RBFOX1: variants seen among roughly 807,000 people sequenced by gnomAD.
The protein encoded by RBFOX1 is RNA binding fox-1 homolog 1.
A neutral mutation model predicts 57.7 loss-of-function variants in RBFOX1; 8 were observed. That is an observed-to-expected ratio of 0.14 (90% CI 0.08 to 0.25). The LOEUF (loss-of-function observed/expected upper bound fraction) is 0.25, where lower values mean the gene tolerates loss of function less well. Ranked by LOEUF, RBFOX1 falls within the 10% of genes least tolerant of loss-of-function variation. RBFOX1 has a pLI of 1.00. For synonymous variants in RBFOX1, 326 were observed against 222.4 expected (o/e 1.47, Z -4.15); for missense variants, 611 against 548.5 (o/e 1.11, Z -1.14).
intron 4 of RBFOX1, among the ~76,000 whole-genome samples, chr16:7,112,946 C>T (rs908278471): frequency 3.9e-5 from 6 of 152,134 alleles, no homozygotes; most frequent in Non-Finnish European, 7.3e-5. Flanking sequence ...AGCATATCTG[C>T]AAGTGCTGGC....
At chr16:7,142,900 C>T (rs1373809050) in intron 4 of RBFOX1, among the ~76,000 whole-genome samples, 2 of 137,160 alleles carry the variant, frequency 1.5e-5, no homozygotes, top group South Asian at 2.7e-4. Context: ...TCTGCAGACA[C>T]ATCTGCAGAG....
At chr16:7,254,059 T>G (rs1455537147) in intron 4 of RBFOX1, among the ~76,000 whole-genome samples, 2 of 152,208 alleles carry the variant, frequency 1.3e-5, no homozygotes, top group Non-Finnish European at 2.9e-5. Context: ...TTTACTTCAC[T>G]TTGGGCATTG....
intron 1 of RBFOX1, among the ~76,000 whole-genome samples, chr16:6,186,263 A>G (rs1310195058): frequency 6.6e-6 from 1 of 152,158 alleles, no homozygotes; most frequent in East Asian, 1.9e-4. Context: ...GAAATATACA[A>G]CTGATGACTC....
intron 4 of RBFOX1, among the ~76,000 whole-genome samples, chr16:7,227,745 C>G (rs1019546682): frequency 1.3e-5 from 2 of 152,184 alleles, no homozygotes; most frequent in Non-Finnish European, 2.9e-5. Context: ...CAGCACCTGG[C>G]CTAGGCACCC....
At chr16:6,889,663 C>A (rs1007995588) in intron 3 of RBFOX1, among the ~76,000 whole-genome samples, 2 of 152,148 alleles carry the variant, frequency 1.3e-5, no homozygotes, top group African/African-American at 4.8e-5. Flanking sequence ...CACCAGCTTC[C>A]ACCATGTAGT....
chr16:6,795,282 G>A (rs542148541), intron 3 of RBFOX1, among the ~76,000 whole-genome samples: 2 of 151,912 alleles, frequency 1.3e-5, no homozygotes, highest in East Asian at 3.9e-4. Context: ...TGATAGAAGG[G>A]GCCTTGAGAG....
At chr16:7,664,623 C>T in intron 12 of RBFOX1, 1 of 407,902 alleles carries the variant, frequency 2.5e-6, no homozygotes, top group Non-Finnish European at 4.4e-6. Flanking sequence ...CCACTTAAAT[C>T]TCAGTCCTCT....
In RBFOX1 at chr16:5,377,983, G is replaced by T. The variant is rs760725317; in HGVS notation, c.220-89233G>T. 3.3e-5 allele frequency among the ~76,000 whole-genome samples: 5 copies of T among 151,270 alleles called. 1 individual carries two copies. Among genetic ancestry groups the T allele is most frequent in the African/African-American group, 1.2e-4 (5 of 40,684 alleles). ...TTTTCTTTCTTTTATTTTTTTAAAG[G>T]CTCCTTTTAAAGCACAATGACCTTT... On this transcript the variant is annotated intron_variant, in intron 1 of 2. Coordinates refer to the RBFOX1 transcript ENST00000585867.
In RBFOX1 at chr16:5,283,456, C is replaced by A. The variant is rs78053963; in HGVS notation, c.219+43351C>A. Among the ~76,000 whole-genome samples, 1,929 of 152,194 alleles carry A rather than the reference C, an allele frequency of 0.013. 73 individuals carry two copies. The East Asian group carries it at 0.16, about 13-fold the overall frequency. On this transcript the variant is annotated intron_variant, in intron 1 of 2. Coordinates refer to the RBFOX1 transcript ENST00000585867. Reference sequence around the variant, plus strand: ...ACTCAATGCCAACCAGTGAAAGGAGCCCCTCCTTTCACCTCCTGGTTTTAT... The same window carrying A: ...ACTCAATGCCAACCAGTGAAAGGAGACCCTCCTTTCACCTCCTGGTTTTAT...
chr16:6,658,837 A>G (rs2098679907), intron 3 of RBFOX1, among the ~76,000 whole-genome samples: 1 of 151,892 alleles, frequency 6.6e-6, no homozygotes, highest in Non-Finnish European at 1.5e-5. Flanking sequence ...ACTCTCTCAG[A>G]GGGTGTCCTA....
intron 1 of RBFOX1, among the ~76,000 whole-genome samples, chr16:6,214,626 A>G (rs1451318918): frequency 2.0e-5 from 2 of 99,746 alleles, no homozygotes; most frequent in African/African-American, 4.0e-5. Flanking sequence ...AGAGGGAGAA[A>G]GACAGGGAGA....
At chr16:6,025,128 T>G (rs949665166) in intron 1 of RBFOX1, among the ~76,000 whole-genome samples, 3 of 152,228 alleles carry the variant, frequency 2.0e-5, no homozygotes, top group Non-Finnish European at 4.4e-5. Context: ...TTAAACATTA[T>G]GGGAAAATTG....
chr16:6,087,872 C>G (rs780716683), intron 1 of RBFOX1, among the ~76,000 whole-genome samples: 1 of 152,038 alleles, frequency 6.6e-6, no homozygotes, highest in African/African-American at 2.4e-5. Flanking sequence ...AGAATGGTCT[C>G]GATCTCTTGA....
intron 1 of RBFOX1, among the ~76,000 whole-genome samples, chr16:5,407,764 G>GTC (rs1364627628): frequency 6.6e-6 from 1 of 152,198 alleles, no homozygotes; most frequent in East Asian, 1.9e-4. Context: ...GGCCAGGCTG[G>GTC]TCTCGAACTC....
chr16:6,238,679 T>A (rs1384405110), intron 1 of RBFOX1, among the ~76,000 whole-genome samples: 1 of 152,232 alleles, frequency 6.6e-6, no homozygotes, highest in Non-Finnish European at 1.5e-5. Flanking sequence ...AGCAGCTTTA[T>A]GCTTTTTTTA....
chr16:5,956,639 A>AATATATATATAT (rs1373907599), intron 4 of RBFOX1, among the ~76,000 whole-genome samples: 27 of 123,560 alleles, frequency 2.2e-4, no homozygotes, highest in African/African-American at 7.9e-4. Flanking sequence ...GCAAAAAACA[A>AATATATATATAT]ATATATATAT....
intron 4 of RBFOX1, among the ~76,000 whole-genome samples, chr16:7,248,121 G>A (rs902353165): frequency 2.0e-5 from 3 of 152,194 alleles, no homozygotes; most frequent in East Asian, 3.8e-4. Flanking sequence ...GTGAATGAAG[G>A]CAAAGACTTC....
At chr16:7,420,581 T>G (rs2098530944) in intron 4 of RBFOX1, among the ~76,000 whole-genome samples, 1 of 152,240 alleles carries the variant, frequency 6.6e-6, no homozygotes, top group African/African-American at 2.4e-5. Context: ...TTATTATTTG[T>G]ATCTTTTTTT....
intron 1 of RBFOX1, among the ~76,000 whole-genome samples, chr16:6,283,267 C>T (rs897595729): frequency 6.6e-6 from 1 of 152,140 alleles, no homozygotes; most frequent in Non-Finnish European, 1.5e-5. Context: ...GTTGAGCCTA[C>T]AGTGAGCTGT....
Sources: gnomAD v4.1 joint callset for allele counts (sites outside exome capture counted in the v4.1 genomes callset) on GRCh38, gnomAD v4.1.1 for gene constraint, MANE v1.5 for transcripts, NCBI Gene and HGNC (gene_info 2026-07-23, HGNC 2026-07-21) for gene names.